The following PSMB7 variants were observed in gnomAD, a reference collection of about 807,000 sequenced individuals.
PSMB7 encodes the protein proteasome 20S subunit beta 7, also known as proteasome subunit beta type-7.
PSMB7 carries 5 observed loss-of-function variants against 28.1 expected under a neutral mutation model. That is an observed-to-expected ratio of 0.18 (90% confidence interval 0.09 to 0.37). The LOEUF (loss-of-function observed/expected upper bound fraction) is 0.37. Ranked by LOEUF, PSMB7 falls within the 10% of genes least tolerant of loss-of-function variation. The probability of loss-of-function intolerance (pLI) is 1.00; values close to 1 mark genes in which losing one functional copy is unlikely to be tolerated. For synonymous variants in PSMB7, 122 were observed against 123.7 expected (o/e 0.99, Z 0.09); for missense variants, 275 against 346.2 (o/e 0.79, Z 1.63).
Position 124,356,969 on chromosome 9 carries a change from G to A in PSMB7, c.571-54C>T. 3 of 1,604,842 alleles carry A rather than the reference G, an allele frequency of 1.9e-6. No homozygotes were observed. Among genetic ancestry groups the A allele is most frequent in the Non-Finnish European group, 2.6e-6 (3 of 1,173,548 alleles). On this transcript the variant is annotated intron_variant, in intron 6 of 7. Coordinates refer to ENST00000259457, the MANE Select transcript of PSMB7 (RefSeq NM_002799.4). The surrounding 1 kb of genome is among the most constrained non-coding windows in gnomAD (Gnocchi z 4.4). ...CCCCGGCCAAACTAGGGCCTGCTCT[G>A]ACATCCGCAATGTACGTCCACTAGC...
chr9:124,365,723 C>CT (rs1208145846), intron 6 of PSMB7, among the ~76,000 whole-genome samples: 4 of 152,144 alleles, frequency 2.6e-5, no homozygotes, highest in Admixed American at 2.6e-4. Flanking sequence ...CGAGACCAGC[C>CT]TGGGCAACAT....
At chr9:124,379,845 AGAAAAG>A (rs1830647855) in intron 6 of PSMB7, among the ~76,000 whole-genome samples, 1 of 152,258 alleles carries the variant, frequency 6.6e-6, no homozygotes, top group African/African-American at 2.4e-5. Flanking sequence ...CTAGATAAAA[AGAAAAG>A]GTCCCTTCCA....
At chr9:124,404,449 T>A (rs776668033) in intron 5 of PSMB7, among the ~76,000 whole-genome samples, 3 of 152,142 alleles carry the variant, frequency 2.0e-5, no homozygotes, top group African/African-American at 7.2e-5. Context: ...GTAGCCCTTA[T>A]CCAAAATGCC....
chr9:124,384,564 T>A (rs759413038), intron 6 of PSMB7, 34 bp downstream of exon 6: 1 of 1,581,586 alleles, frequency 6.3e-7, no homozygotes, highest in Non-Finnish European at 8.6e-7. Context: ...AGAAAAATCT[T>A]TGAAAAAGAA....
At chr9:124,393,065 T>C (rs1165287387) in intron 5 of PSMB7, among the ~76,000 whole-genome samples, 1 of 152,180 alleles carries the variant, frequency 6.6e-6, no homozygotes, top group Non-Finnish European at 1.5e-5. Flanking sequence ...CATTTTTCAC[T>C]CCATTCCTGC....
At chr9:124,373,068 C>T (rs921143535) in intron 6 of PSMB7, among the ~76,000 whole-genome samples, 9 of 152,226 alleles carry the variant, frequency 5.9e-5, no homozygotes, top group Non-Finnish European at 8.8e-5. Context: ...ATGCACAGAG[C>T]AAGCTCACTT....
intron 5 of PSMB7, among the ~76,000 whole-genome samples, chr9:124,403,235 G>A (rs1369281629): frequency 6.6e-6 from 1 of 151,264 alleles, no homozygotes; most frequent in East Asian, 1.9e-4. Flanking sequence ...ATTTTTTGCA[G>A]TCATTAAAAA....
At chr9:124,353,831 C>A in intron 7 of PSMB7, 122 bp from the exon 8 acceptor site, 2 of 725,508 alleles carry the variant, frequency 2.8e-6, no homozygotes, top group South Asian at 1.6e-5. Flanking sequence ...TCTTGGCTCT[C>A]CCGATCCCAG....
At chr9:124,362,425 T>TG (rs1564675618) in intron 6 of PSMB7, among the ~76,000 whole-genome samples, 1 of 152,348 alleles carries the variant, frequency 6.6e-6, no homozygotes, top group East Asian at 1.9e-4. Flanking sequence ...CTGCCTTTGC[T>TG]GGGGGAAGCA....
intron 6 of PSMB7, among the ~76,000 whole-genome samples, chr9:124,379,503 G>A (rs1334007137): frequency 6.6e-6 from 1 of 152,210 alleles, no homozygotes; most frequent in East Asian, 1.9e-4. Flanking sequence ...AAAACTGGGT[G>A]AGACTTTTTG....
intron 6 of PSMB7, among the ~76,000 whole-genome samples, chr9:124,363,763 G>A (rs1443745260): frequency 6.6e-6 from 1 of 152,164 alleles, no homozygotes; most frequent in African/African-American, 2.4e-5. Context: ...TGCTGTGCGT[G>A]CAGGAGTTTT....
At chr9:124,404,973 G>C (rs967344617) in intron 5 of PSMB7, among the ~76,000 whole-genome samples, 10 of 151,982 alleles carry the variant, frequency 6.6e-5, no homozygotes, top group Admixed American at 6.6e-4. Flanking sequence ...ATAATACACA[G>C]GTTGTATAAC....
intron 4 of PSMB7, among the ~76,000 whole-genome samples, chr9:124,411,415 C>T (rs930000443): frequency 1.3e-5 from 2 of 152,196 alleles, no homozygotes; most frequent in Non-Finnish European, 2.9e-5. Flanking sequence ...ACTGTCTATC[C>T]GTGCTCCCCT....
At chr9:124,408,129 A>C (rs1830985770) in intron 4 of PSMB7, among the ~76,000 whole-genome samples, 1 of 152,198 alleles carries the variant, frequency 6.6e-6, no homozygotes, top group South Asian at 2.1e-4. Flanking sequence ...ACTGCCTTTA[A>C]GTGAGCCATG....
intron 4 of PSMB7, 60 bp from the exon 5 acceptor site, chr9:124,405,492 T>C: frequency 8.4e-7 from 1 of 1,188,994 alleles, no homozygotes; most frequent in East Asian, 2.3e-5. Flanking sequence ...CACTGTAACT[T>C]AGCCAAAAGT....
At chr9:124,373,573 G>A (rs1450226352) in intron 6 of PSMB7, among the ~76,000 whole-genome samples, 4 of 152,188 alleles carry the variant, frequency 2.6e-5, no homozygotes, top group South Asian at 2.1e-4. Flanking sequence ...CAAATCCAGT[G>A]TATAAAGGAA....
At position 124,384,547 on chromosome 9, in the gene PSMB7, T is replaced by C. The variant is rs143400746; in HGVS notation, c.570+51A>G. 282 of 1,545,622 alleles carry C rather than the reference T, an allele frequency of 1.8e-4. 1 individual carries two copies. In the East Asian group the frequency reaches 4.8e-3, roughly 26 times the overall value. ...GCAATCAATTTGTAAATGTTCAAGA[T>C]AAAACCAGAAAAATCTTTGAAAAAG... On this transcript the variant is annotated intron_variant, in intron 6 of 7. Transcript: ENST00000259457.
Position 124,402,976 on chromosome 9 carries a change from A to G in PSMB7, c.511+2341T>C, listed in dbSNP as rs576852350. Among the ~76,000 whole-genome samples, 10 of 152,358 alleles carry G rather than the reference A, an allele frequency of 6.6e-5. No homozygotes were observed. The South Asian group carries it at 2.1e-3, about 32-fold the overall frequency. On this transcript the variant is annotated intron_variant, in intron 5 of 7. Coordinates refer to ENST00000259457, the MANE Select transcript of PSMB7 (RefSeq NM_002799.4). ...TAAAAACCTTGTAAGAGGCTAGATA[A>G]CAACACAATGGCATAGCAAAGTCTC...
chr9:124,387,889 TA>T (rs758533851), intron 5 of PSMB7, among the ~76,000 whole-genome samples: 813 of 140,184 alleles, frequency 5.8e-3, no homozygotes, highest in Middle Eastern at 0.025. Flanking sequence ...GTTGGCCATT[TA>T]AAAAAAAAAA....
Sources: gnomAD v4.1 joint callset for allele counts (sites outside exome capture counted in the v4.1 genomes callset) on GRCh38, gnomAD v4.1.1 for gene constraint, Gnocchi (gnomAD v3.1) non-coding constraint, MANE v1.5 for transcripts, NCBI Gene and HGNC (gene_info 2026-07-23, HGNC 2026-07-21) for gene names.